SMYD3: variants seen among roughly 807,000 people sequenced by gnomAD.
SMYD3 encodes the protein SET and MYND domain containing 3.
SMYD3 carries 36 observed loss-of-function variants against 57.7 expected under a neutral mutation model. The ratio of observed to expected loss-of-function variants is 0.62; its 90% CI spans 0.48 to 0.82. SMYD3 has a LOEUF of 0.82. Among genes scored for constraint, SMYD3 ranks in the 40% least tolerant of loss-of-function variants. SMYD3 has a pLI of 0.00. For missense variants in SMYD3, 515 were observed against 538.8 expected, an observed-to-expected ratio of 0.96 and a Z score of 0.44; for synonymous variants, 211 against 195.0, an observed-to-expected ratio of 1.08 and a Z score of -0.68.
At chr1:245,751,647 C>T (rs748084099) in intron 11 of SMYD3, among the ~76,000 whole-genome samples, 13 of 151,986 alleles carry the variant, frequency 8.6e-5, no homozygotes, top group South Asian at 2.1e-4. Context: ...AAAGGGCCAG[C>T]GCCTCAGACC....
intron 5 of SMYD3, among the ~76,000 whole-genome samples, chr1:246,223,323 G>T (rs1217951046): frequency 6.6e-6 from 1 of 152,118 alleles, no homozygotes; most frequent in Non-Finnish European, 1.5e-5. Flanking sequence ...TGCTGATGAA[G>T]GGGATGGTGG....
intron 5 of SMYD3, among the ~76,000 whole-genome samples, chr1:245,947,649 A>G (rs2057468730): frequency 6.6e-6 from 1 of 152,212 alleles, no homozygotes; most frequent in South Asian, 2.1e-4. Context: ...GAGAAAATAC[A>G]TGTGGGCCTT....
chr1:246,334,726 A>C (rs1274399096), intron 3 of SMYD3, among the ~76,000 whole-genome samples: 1 of 152,150 alleles, frequency 6.6e-6, no homozygotes, highest in African/African-American at 2.4e-5. Flanking sequence ...TAAAAGCAAA[A>C]CTTTTTTTAA....
chr1:246,473,991 A>T (rs1044167625), intron 1 of SMYD3, among the ~76,000 whole-genome samples: 3 of 152,248 alleles, frequency 2.0e-5, no homozygotes, highest in Non-Finnish European at 4.4e-5. Context: ...AAAATCTGCT[A>T]GGCCATTTAA....
intron 10 of SMYD3, among the ~76,000 whole-genome samples, chr1:245,824,643 G>A (rs889842169): frequency 4.6e-5 from 7 of 152,158 alleles, no homozygotes; most frequent in Admixed American, 3.9e-4. Context: ...ATCACCTGAG[G>A]TTGGGAGTTG....
In SMYD3 at chr1:245,927,934, C is replaced by T. The variant is rs777292029; in HGVS notation, c.699G>A (p.Glu233=). 1.2e-6 allele frequency: 2 copies of T among 1,610,382 alleles called. No homozygotes were observed. Among genetic ancestry groups the T allele is most frequent in the Admixed American group, 1.7e-5 (1 of 59,920 alleles). The change falls in exon 7 of 12, where the codon GAG becomes GAA. Residue 233 remains glutamate, a synonymous_variant. Transcript: ENST00000490107. The part of the protein sequence containing the change: ...LRAVRDIEVG[E]ELTICYLDML... ...TGGGAAGCATGAGTTTCCTTACCTC[C>T]TCTCCCACCTCGATGTCTCGGACTG...
At chr1:245,794,769 T>C (rs538521788) in intron 10 of SMYD3, among the ~76,000 whole-genome samples, 8 of 152,210 alleles carry the variant, frequency 5.3e-5, no homozygotes, top group African/African-American at 1.4e-4. Flanking sequence ...ATTCAATGTA[T>C]CTTTGTGGGT....
chr1:246,058,198 G>A (rs2060186555), intron 5 of SMYD3, among the ~76,000 whole-genome samples: 2 of 152,172 alleles, frequency 1.3e-5, no homozygotes, highest in Admixed American at 1.3e-4. Context: ...ACAACACCAA[G>A]AGTGAACGCT....
At chr1:246,224,716 A>T (rs990793358) in intron 5 of SMYD3, among the ~76,000 whole-genome samples, 2 of 152,132 alleles carry the variant, frequency 1.3e-5, no homozygotes, top group Non-Finnish European at 2.9e-5. Flanking sequence ...CTGGTGGCAA[A>T]GAAAGCAGGG....
chr1:246,503,208 G>T, intron 1 of SMYD3, among the ~76,000 whole-genome samples: 1 of 152,246 alleles, frequency 6.6e-6, no homozygotes, highest in Non-Finnish European at 1.5e-5. Context: ...AATCCACCAG[G>T]ACTGAAAGGG....
intron 1 of SMYD3, among the ~76,000 whole-genome samples, chr1:246,480,781 T>C (rs544608062): frequency 8.5e-5 from 13 of 152,258 alleles, no homozygotes; most frequent in African/African-American, 3.1e-4. Flanking sequence ...CCAAGTTACC[T>C]TTTTTCAAAA....
At chr1:245,814,330 T>C (rs1572412602) in intron 10 of SMYD3, 1 of 976,374 alleles carries the variant, frequency 1.0e-6, no homozygotes, top group South Asian at 4.7e-5. Flanking sequence ...ATAAGAAAAT[T>C]AAGGTAGATA....
intron 5 of SMYD3, among the ~76,000 whole-genome samples, chr1:246,083,612 T>C (rs760246648): frequency 2.0e-5 from 3 of 152,270 alleles, no homozygotes; most frequent in Non-Finnish European, 4.4e-5. Flanking sequence ...CGCCCACAAG[T>C]GTGGAGGGGC....
At chr1:246,438,596 A>G (rs1261727986) in intron 1 of SMYD3, among the ~76,000 whole-genome samples, 1 of 152,156 alleles carries the variant, frequency 6.6e-6, no homozygotes, top group Non-Finnish European at 1.5e-5. Flanking sequence ...AAAATGGCAT[A>G]GTATTTGCAT....
At chr1:246,386,678 G>GACATAT in intron 1 of SMYD3, among the ~76,000 whole-genome samples, 1 of 151,632 alleles carries the variant, frequency 6.6e-6, no homozygotes, top group Non-Finnish European at 1.5e-5. Flanking sequence ...TCATGTTACT[G>GACATAT]AGGAGACCAT....
intron 5 of SMYD3, among the ~76,000 whole-genome samples, chr1:245,954,533 G>T (rs755206942): frequency 9.2e-5 from 14 of 152,130 alleles, no homozygotes; most frequent in Non-Finnish European, 1.3e-4. Context: ...AACATTAGCC[G>T]AGCATGCTGG....
Position 246,111,563 on chromosome 1 carries a change from C to T in SMYD3, c.532-181626G>A, listed in dbSNP as rs139943123. 7.5e-4 allele frequency: 114 copies of T among 152,324 alleles called. 1 individual carries two copies. The highest frequency in any genetic ancestry group is 2.5e-3 in the African/African-American group (105 of 41,574). 9.4% of individuals were successfully genotyped at this position (152,324 alleles called of 1,614,324 possible). On this transcript the variant is annotated intron_variant, in intron 5 of 11. Transcript: ENST00000490107. ...CTTTCCTCTTTATAAGCCCTCTGGC[C>T]TCAGGAAGACTGGTTTCATTCATGT...
intron 5 of SMYD3, among the ~76,000 whole-genome samples, chr1:246,104,536 C>T (rs546527252): frequency 1.3e-5 from 2 of 152,158 alleles, no homozygotes; most frequent in East Asian, 1.9e-4. Context: ...CTGGCTGGTT[C>T]GGGTCTTGTC....
At chr1:245,808,142 T>C (rs1001793162) in intron 10 of SMYD3, among the ~76,000 whole-genome samples, 11 of 152,168 alleles carry the variant, frequency 7.2e-5, no homozygotes, top group African/African-American at 1.7e-4. Flanking sequence ...CATGATATGC[T>C]AATATAGAAA....
Sources: allele counts gnomAD v4.1 joint callset (sites outside exome capture counted in the v4.1 genomes callset), GRCh38; gene constraint gnomAD v4.1.1; transcripts MANE v1.5; gene names NCBI Gene and HGNC (gene_info 2026-07-23, HGNC 2026-07-21).